Variants in PLEKHA5 observed in about 807,000 individuals in gnomAD.
The protein encoded by PLEKHA5 is pleckstrin homology domain containing A5.
PLEKHA5 carries 55 observed loss-of-function variants against 181.9 expected under a neutral mutation model. That is an observed-to-expected ratio of 0.30 (90% confidence interval 0.24 to 0.38). The LOEUF is 0.38. Among genes scored for constraint, PLEKHA5 ranks in the 10% least tolerant of loss-of-function variants. PLEKHA5 has a pLI of 1.00. For synonymous variants in PLEKHA5, 535 were observed against 529.4 expected, an observed-to-expected ratio of 1.01 and a Z score of -0.15; for missense variants, 1,432 against 1,549.5, an observed-to-expected ratio of 0.92 and a Z score of 1.27.
intron 3 of PLEKHA5, among the ~76,000 whole-genome samples, chr12:19,244,667 T>C (rs995204408): frequency 6.6e-5 from 10 of 152,212 alleles, no homozygotes; most frequent in Non-Finnish European, 1.5e-4. Flanking sequence ...ATCATATAAA[T>C]GGGTACACAT....
chr12:19,143,131 G>T (rs1207691871), intron 3 of PLEKHA5, among the ~76,000 whole-genome samples: 2 of 152,068 alleles, frequency 1.3e-5, no homozygotes, highest in African/African-American at 4.8e-5. Flanking sequence ...ATTTCTTTTG[G>T]GTATACACCC....
At chr12:19,310,147 G>A (rs1284193887) in intron 15 of PLEKHA5, among the ~76,000 whole-genome samples, 2 of 152,082 alleles carry the variant, frequency 1.3e-5, no homozygotes, top group African/African-American at 4.8e-5. Flanking sequence ...AAGAAGCAAA[G>A]CATTTAACTC....
At chr12:19,259,196 TA>T (rs1029191745) in intron 6 of PLEKHA5, among the ~76,000 whole-genome samples, 29 of 148,884 alleles carry the variant, frequency 1.9e-4, no homozygotes, top group African/African-American at 7.2e-4. Context: ...ATCTCTACTT[TA>T]AAAAAAAACA....
At chr12:19,154,807 C>T (rs2041294025) in intron 3 of PLEKHA5, 1 of 152,218 alleles carries the variant, frequency 6.6e-6, no homozygotes, top group East Asian at 1.9e-4. Context: ...CATCAGACCA[C>T]ACTGAGTGCC....
At chr12:19,318,461 A>G (rs577426593) in intron 16 of PLEKHA5, among the ~76,000 whole-genome samples, 17 of 152,296 alleles carry the variant, frequency 1.1e-4, no homozygotes, top group Admixed American at 9.8e-4. Context: ...AATATCCTAA[A>G]GATTTACTAT....
intron 15 of PLEKHA5, 106 bp from the exon 16 acceptor site, chr12:19,314,708 C>G (rs571909027): frequency 2.8e-6 from 2 of 707,268 alleles, no homozygotes; most frequent in South Asian, 1.5e-5. Flanking sequence ...AACAACTGCA[C>G]TATTAGGAAG....
At chr12:19,133,032 C>T (rs747900033) in intron 3 of PLEKHA5, among the ~76,000 whole-genome samples, 21 of 149,510 alleles carry the variant, frequency 1.4e-4, no homozygotes, top group Non-Finnish European at 2.1e-4. Context: ...TAAACAATGA[C>T]GGTCAGGGAG....
intron 3 of PLEKHA5, among the ~76,000 whole-genome samples, chr12:19,188,147 G>A (rs1273226547): frequency 6.6e-6 from 1 of 152,168 alleles, no homozygotes; most frequent in Non-Finnish European, 1.5e-5. Flanking sequence ...TCACACATAT[G>A]CAGGTTTGAA....
chr12:19,318,464 T>A (rs1029856752), intron 16 of PLEKHA5, among the ~76,000 whole-genome samples: 1 of 152,160 alleles, frequency 6.6e-6, no homozygotes. Context: ...ATCCTAAAGA[T>A]TTACTATAAA....
intron 21 of PLEKHA5, among the ~76,000 whole-genome samples, chr12:19,341,181 G>A (rs1361157220): frequency 2.0e-5 from 3 of 152,070 alleles, no homozygotes; most frequent in Non-Finnish European, 4.4e-5. Context: ...GGAGGCTGAG[G>A]CAGGAGGATT....
intron 3 of PLEKHA5, among the ~76,000 whole-genome samples, chr12:19,203,226 T>C (rs1217367572): frequency 6.6e-6 from 1 of 152,090 alleles, no homozygotes; most frequent in Admixed American, 6.6e-5. Context: ...GTAAGTACTA[T>C]GCCGGTGTGA....
chr12:19,145,593 C>T (rs2038720372), intron 3 of PLEKHA5, among the ~76,000 whole-genome samples: 1 of 151,988 alleles, frequency 6.6e-6, no homozygotes, highest in African/African-American at 2.4e-5. Context: ...GGTTAAAGGT[C>T]AATATCGTTC....
intron 15 of PLEKHA5, among the ~76,000 whole-genome samples, chr12:19,310,278 C>G (rs1428300486): frequency 5.9e-5 from 9 of 152,066 alleles, no homozygotes; most frequent in Admixed American, 5.2e-4. Flanking sequence ...TATATTCAAA[C>G]CAGAAGTGAA....
intron 3 of PLEKHA5, among the ~76,000 whole-genome samples, chr12:19,164,191 G>GTTTTTTTTTTT (rs199683682): frequency 8.4e-6 from 1 of 119,212 alleles, no homozygotes; most frequent in African/African-American, 3.0e-5. Flanking sequence ...CTCTCCAGAT[G>GTTTTTTTTTTT]TTTTTGTTTT....
intron 3 of PLEKHA5, among the ~76,000 whole-genome samples, chr12:19,211,166 C>G (rs1423606382): frequency 6.6e-6 from 1 of 151,968 alleles, no homozygotes; most frequent in Non-Finnish European, 1.5e-5. Flanking sequence ...TAGAGAGTTG[C>G]CCCTACACTT....
rs568333242 is a variant in PLEKHA5, at chr12:19,260,779, G to A, written c.538-170G>A. Among the ~76,000 whole-genome samples the A allele has an allele frequency of 7.2e-5, 11 of 152,258 alleles. No homozygotes were observed. In the East Asian group the frequency reaches 2.1e-3, roughly 29 times the overall value. ...GGAGGCTGAGACAGGAGAATCGCTT[G>A]AACCCAGGAGGCAGAGGTTGCAGTG... On this transcript the variant is annotated intron_variant, in intron 6 of 31. Transcript: ENST00000429027.
chr12:19,370,490 T>C (rs1431267706), intron 31 of PLEKHA5, among the ~76,000 whole-genome samples: 1 of 152,156 alleles, frequency 6.6e-6, no homozygotes, highest in Non-Finnish European at 1.5e-5. Context: ...TAGCGTACTC[T>C]AAAAGTTTTT....
At chr12:19,223,000 C>CTTTTTTTT (rs62719560) in intron 3 of PLEKHA5, among the ~76,000 whole-genome samples, 1 of 128,928 alleles carries the variant, frequency 7.8e-6, no homozygotes. Context: ...GAAATTTTGT[C>CTTTTTTTT]TTTTTTTTTT....
At chr12:19,176,723 A>T (rs2047343803) in intron 3 of PLEKHA5, 1 of 152,152 alleles carries the variant, frequency 6.6e-6, no homozygotes, top group African/African-American at 2.4e-5. Context: ...TTATTTTGAG[A>T]CATAAGGCAT....
Sources: allele counts gnomAD v4.1 joint callset (sites outside exome capture counted in the v4.1 genomes callset), GRCh38; gene constraint gnomAD v4.1.1; transcripts MANE v1.5; gene names NCBI Gene and HGNC (gene_info 2026-07-23, HGNC 2026-07-21).